Variants in RBFOX1 observed in about 807,000 individuals in gnomAD.
RBFOX1 encodes RNA binding protein fox-1 homolog 1.
A neutral mutation model predicts 57.7 loss-of-function variants in RBFOX1; 8 were observed. That is an observed-to-expected ratio of 0.14 (90% CI 0.08 to 0.25). The LOEUF is 0.25. Among genes scored for constraint, RBFOX1 ranks in the 10% least tolerant of loss-of-function variants. The pLI, the probability that RBFOX1 is intolerant of heterozygous loss-of-function variation, is 1.00. For synonymous variants in RBFOX1, 326 were observed against 222.4 expected (o/e 1.47, Z -4.15); for missense variants, 611 against 548.5 (o/e 1.11, Z -1.14).
intron 4 of RBFOX1, among the ~76,000 whole-genome samples, chr16:7,356,875 G>T (rs1004992601): frequency 1.3e-5 from 2 of 152,162 alleles, no homozygotes; most frequent in Admixed American, 6.5e-5. Flanking sequence ...CTGGGTCACA[G>T]CTTATAACCA....
At chr16:6,104,181 C>T (rs1040759175) in intron 1 of RBFOX1, among the ~76,000 whole-genome samples, 8 of 151,672 alleles carry the variant, frequency 5.3e-5, no homozygotes, top group African/African-American at 1.9e-4. Context: ...AATTGACAGA[C>T]AATAATTGTA....
chr16:6,645,204 C>A (rs529159121), intron 2 of RBFOX1, among the ~76,000 whole-genome samples: 1 of 152,260 alleles, frequency 6.6e-6, no homozygotes, highest in South Asian at 2.1e-4. Flanking sequence ...TAGAACCCAC[C>A]CAGATAATAC....
At chr16:7,244,792 T>C (rs1392189991) in intron 4 of RBFOX1, among the ~76,000 whole-genome samples, 1 of 152,150 alleles carries the variant, frequency 6.6e-6, no homozygotes, top group African/African-American at 2.4e-5. Flanking sequence ...GCAGGCTGGG[T>C]CATCAGACAT....
chr16:6,185,128 T>C (rs1055465552), intron 1 of RBFOX1, among the ~76,000 whole-genome samples: 1 of 152,124 alleles, frequency 6.6e-6, no homozygotes, highest in Non-Finnish European at 1.5e-5. Context: ...TGGATGGCAT[T>C]AGACACCTTT....
At chr16:5,524,198 C>G (rs1051846141) in intron 2 of RBFOX1, among the ~76,000 whole-genome samples, 1 of 152,142 alleles carries the variant, frequency 6.6e-6, no homozygotes, top group African/African-American at 2.4e-5. Context: ...CAAAGCTGAG[C>G]TTTTTGGCTT....
At chr16:6,990,688 A>G (rs895433244) in intron 3 of RBFOX1, among the ~76,000 whole-genome samples, 2 of 152,174 alleles carry the variant, frequency 1.3e-5, no homozygotes, top group South Asian at 4.1e-4. Context: ...TCAGTTTTGC[A>G]CCGACCTAAT....
intron 4 of RBFOX1, among the ~76,000 whole-genome samples, chr16:5,983,944 T>TCCCCC (rs2060227588): frequency 1.0e-5 from 1 of 98,260 alleles, no homozygotes; most frequent in Admixed American, 1.0e-4. Flanking sequence ...CCTCCTCCTC[T>TCCCCC]TCCTCCTCTT....
Position 6,615,894 on chromosome 16 carries a change from C to T in RBFOX1, c.-63-38709C>T, listed in dbSNP as rs77567817. On this transcript the variant is annotated intron_variant, in intron 2 of 15. Transcript: ENST00000550418. ...CTTGCTCGCGAATCCTCATGTGATA[C>T]GCATCTCCCCATCCCTCATAACCTC... Among the ~76,000 whole-genome samples the T allele has an allele frequency of 1.1e-4, 17 of 152,300 alleles. 1 individual carries two copies. The highest frequency in any genetic ancestry group is 6.8e-3 in the Middle Eastern group (2 of 294).
chr16:5,539,254 G>C (rs73516495), intron 2 of RBFOX1, among the ~76,000 whole-genome samples: 5,277 of 152,226 alleles, frequency 0.035, 151 homozygotes, highest in African/African-American at 0.068. Flanking sequence ...GAATGCAGGA[G>C]AATCACCTTG....
intron 4 of RBFOX1, among the ~76,000 whole-genome samples, chr16:7,377,290 C>G (rs1231142599): frequency 8.5e-5 from 13 of 152,202 alleles, no homozygotes; most frequent in Admixed American, 8.5e-4. Context: ...TACTGGGACA[C>G]AGGTGGTCCG....
At position 6,952,316 on chromosome 16, in the gene RBFOX1, A is replaced by G. The variant is rs147436612; in HGVS notation, c.-15-99741A>G. On this transcript the variant is annotated intron_variant, in intron 3 of 15. Transcript: ENST00000550418. Reference sequence around the variant, plus strand: ...GCTCTTGTGTGTGCAAAAAAGTAGAACTCCAGTTTTGACAAAGTAGTTAAC... The same window carrying G: ...GCTCTTGTGTGTGCAAAAAAGTAGAGCTCCAGTTTTGACAAAGTAGTTAAC... 2.7e-3 allele frequency among the ~76,000 whole-genome samples: 418 copies of G among 152,166 alleles called. 1 individual carries two copies. Among genetic ancestry groups the G allele is most frequent in the African/African-American group, 9.8e-3 (405 of 41,510 alleles).
At chr16:6,777,109 A>G (rs2079508300) in intron 3 of RBFOX1, among the ~76,000 whole-genome samples, 1 of 152,140 alleles carries the variant, frequency 6.6e-6, no homozygotes, top group African/African-American at 2.4e-5. Flanking sequence ...GTAAAATACG[A>G]GTCTTGGGAT....
Position 6,917,978 on chromosome 16 carries a change from A to C in RBFOX1, c.-15-134079A>C, listed in dbSNP as rs144116726. 6.0e-3 allele frequency among the ~76,000 whole-genome samples: 913 copies of C among 152,214 alleles called. 14 individuals are homozygous for C. The highest frequency in any genetic ancestry group is 0.021 in the African/African-American group (881 of 41,546). ...AGGGTAGCCTACAGGAGAGCCACTT[A>C]CGAATTTGTTAAAAATGTACATTTG... On this transcript the variant is annotated intron_variant, in intron 3 of 15. Coordinates refer to ENST00000550418, the MANE Select transcript of RBFOX1 (RefSeq NM_018723.4).
chr16:6,726,029 G>A (rs973478002), intron 3 of RBFOX1, among the ~76,000 whole-genome samples: 8 of 151,936 alleles, frequency 5.3e-5, no homozygotes, highest in African/African-American at 1.7e-4. Flanking sequence ...TTTCTGTCTC[G>A]GCAAAGAGAG....
chr16:6,503,064 C>G (rs1228220285), intron 2 of RBFOX1, among the ~76,000 whole-genome samples: 2 of 152,088 alleles, frequency 1.3e-5, no homozygotes, highest in Non-Finnish European at 2.9e-5. Flanking sequence ...AAGATTTAGA[C>G]ATATGGATGC....
rs542398640 is a variant in RBFOX1, at chr16:5,934,891, C to T, written c.351+67556C>T. 1.7e-3 allele frequency among the ~76,000 whole-genome samples: 255 copies of T among 152,150 alleles called. 1 individual carries two copies. Among genetic ancestry groups the T allele is most frequent in the African/African-American group, 5.8e-3 (241 of 41,566 alleles). ...TGGCAGCTGCACACAGACTGGCTGG[C>T]CCTGTGGGCATTTATTCAGCACAGA... On this transcript the variant is annotated intron_variant, in intron 4 of 19. Coordinates refer to the RBFOX1 transcript ENST00000641259.
At chr16:7,043,491 G>A (rs1463102760) in intron 3 of RBFOX1, among the ~76,000 whole-genome samples, 5 of 152,170 alleles carry the variant, frequency 3.3e-5, no homozygotes, top group African/African-American at 4.8e-5. Context: ...CTAGGTACTT[G>A]GAGACGTGCG....
intron 7 of RBFOX1, among the ~76,000 whole-genome samples, chr16:7,591,981 G>A (rs1017793342): frequency 1.3e-5 from 2 of 152,002 alleles, no homozygotes; most frequent in Non-Finnish European, 2.9e-5. Flanking sequence ...AGGTCTTTCT[G>A]GTTACATTGC....
At chr16:5,820,326 A>G (rs2055798911) in intron 3 of RBFOX1, among the ~76,000 whole-genome samples, 1 of 152,194 alleles carries the variant, frequency 6.6e-6, no homozygotes, top group Non-Finnish European at 1.5e-5. Context: ...CGTTTGCTAA[A>G]GGAATCTTAC....
Sources: gnomAD v4.1 joint callset for allele counts (sites outside exome capture counted in the v4.1 genomes callset) on GRCh38, gnomAD v4.1.1 for gene constraint, MANE v1.5 for transcripts, NCBI Gene and HGNC (gene_info 2026-07-23, HGNC 2026-07-21) for gene names.